Variants in ZNF184 observed in about 807,000 individuals in gnomAD.
ZNF184 encodes zinc finger protein 184 (Kruppel-like).
Under a neutral mutation model 54.4 loss-of-function variants are expected in ZNF184, and 16 were observed. That is an observed-to-expected ratio of 0.29 (90% CI 0.20 to 0.45). The LOEUF (loss-of-function observed/expected upper bound fraction) is 0.45. Among genes scored for constraint, ZNF184 ranks in the 20% least tolerant of loss-of-function variants. The pLI is 1.00. For synonymous variants in ZNF184, 254 were observed against 295.3 expected, an observed-to-expected ratio of 0.86 and a Z score of 1.43; for missense variants, 681 against 888.2, an observed-to-expected ratio of 0.77 and a Z score of 2.97.
intron 3 of ZNF184, among the ~76,000 whole-genome samples, chr6:27,459,555 T>A (rs1213200275): frequency 6.6e-6 from 1 of 152,188 alleles, no homozygotes; most frequent in Admixed American, 6.5e-5. Flanking sequence ...AGTGCTCATG[T>A]GTCCTATGGT....
In ZNF184 at chr6:27,452,666, C is replaced by A. The variant is rs868595798; in HGVS notation, c.893G>T (p.Arg298Ile). ...ATATGGTTTTTCTCCAGTATGAATT[C>A]TTTGATGTTGAGTAAGAGATGGACC... is the stretch of plus-strand genomic sequence containing the variant. The part of the protein sequence containing the change: ...IEGPSLTQHQ[R>I]IHTGEKPYKC... Residue 298 changes from arginine to isoleucine, a missense_variant, in exon 6 of 6, where the codon AGA (arginine) becomes ATA (isoleucine). Arg to Ile is a moderately conservative substitution (Grantham distance 97). Transcript: ENST00000683788. The surrounding 1 kb of genome is among the most constrained non-coding windows in gnomAD (Gnocchi z 5.5). 6.2e-7 allele frequency: 1 copy of A among 1,613,764 alleles called. No homozygotes were observed. Among genetic ancestry groups the A allele is most frequent in the East Asian group, 2.2e-5 (1 of 44,874 alleles).
In ZNF184 at chr6:27,452,092, A is replaced by C. The variant is rs1762742606; in HGVS notation, c.1467T>G (p.Leu489=). The C allele has an allele frequency of 6.2e-7, 1 of 1,613,908 alleles. No individual in the cohort carries two copies. The part of the protein sequence containing the change: ...CGKAFSYCSS[L]TQHRRIHTRE... ...TCGTGTGAATTCTCCGATGTTGAGT[A>C]AGGGATGAGCAGTAACTGAAGGCCT... The change falls in exon 6 of 6, where the codon CTT becomes CTG. Residue 489 remains leucine (L), a synonymous_variant. Coordinates refer to ENST00000683788, the MANE Select transcript of ZNF184 (RefSeq NM_001318891.2). The surrounding 1 kb of genome is among the most constrained non-coding windows in gnomAD (Gnocchi z 5.5).
chr6:27,421,835 G>C, the ZNF184 span, among the ~76,000 whole-genome samples: 1 of 152,196 alleles, frequency 6.6e-6, no homozygotes, highest in Admixed American at 6.5e-5. Flanking sequence ...TTGGAAGGCT[G>C]AGCGGGAAGT....
At chr6:27,450,609 G>C (rs756631788), downstream of ZNF184, 1 of 151,846 alleles carries the variant, frequency 6.6e-6, no homozygotes, top group Non-Finnish European at 1.5e-5. Context: ...CTAGTCTATT[G>C]TAATTTAACA....
intron 3 of ZNF184, among the ~76,000 whole-genome samples, chr6:27,467,239 T>A (rs1472555054): frequency 6.6e-6 from 1 of 152,194 alleles, no homozygotes; most frequent in Non-Finnish European, 1.5e-5. Context: ...TCCACATTAC[T>A]CATTTCACCT....
At chr6:27,423,646 A>AAC in the ZNF184 span, among the ~76,000 whole-genome samples, 12 of 151,568 alleles carry the variant, frequency 7.9e-5, no homozygotes, top group South Asian at 2.3e-3. Flanking sequence ...CAAAAAAACA[A>AAC]AAAACAAAAC....
At chr6:27,465,515 A>T (rs1462459699) in intron 3 of ZNF184, among the ~76,000 whole-genome samples, 1 of 149,992 alleles carries the variant, frequency 6.7e-6, no homozygotes, top group Non-Finnish European at 1.5e-5. Context: ...AAAAAGCAAA[A>T]CCCAACTACA....
At chr6:27,406,768 G>A in the ZNF184 span, 1 of 152,318 alleles carries the variant, frequency 6.6e-6, no homozygotes, top group Non-Finnish European at 1.5e-5. Flanking sequence ...CACCCTTGGG[G>A]CCCAACAGCT....
the ZNF184 span, among the ~76,000 whole-genome samples, chr6:27,437,919 T>A: frequency 3.9e-5 from 6 of 152,224 alleles, no homozygotes; most frequent in African/African-American, 1.4e-4. Context: ...GTCCATTTTA[T>A]TCCTAGGTAG....
At chr6:27,433,355 T>C in the ZNF184 span, among the ~76,000 whole-genome samples, 2 of 152,222 alleles carry the variant, frequency 1.3e-5, no homozygotes, top group Non-Finnish European at 2.9e-5. Context: ...TGGTAAAATA[T>C]ACATAACATA....
chr6:27,418,485 C>G, the ZNF184 span, among the ~76,000 whole-genome samples: 2 of 152,176 alleles, frequency 1.3e-5, no homozygotes, highest in African/African-American at 4.8e-5. Context: ...TTGTATTCGA[C>G]TTACAGTATG....
At chr6:27,427,116 T>TAAAAAAAA in the ZNF184 span, among the ~76,000 whole-genome samples, 3 of 106,874 alleles carry the variant, frequency 2.8e-5, no homozygotes, top group South Asian at 3.4e-4. Context: ...ACACTCTATG[T>TAAAAAAAA]AAAAAAAAAA....
At chr6:27,419,844 G>A in the ZNF184 span, among the ~76,000 whole-genome samples, 1 of 151,830 alleles carries the variant, frequency 6.6e-6, no homozygotes, top group South Asian at 2.1e-4. The surrounding 1 kb of genome is among the most constrained non-coding windows in gnomAD (Gnocchi z 4.8). Flanking sequence ...ACTTCCCCTC[G>A]TGCCCCTCCA....
At chr6:27,407,541 A>C in the ZNF184 span, among the ~76,000 whole-genome samples, 1 of 152,222 alleles carries the variant, frequency 6.6e-6, no homozygotes, top group Non-Finnish European at 1.5e-5. Flanking sequence ...CCCTATGCAC[A>C]GTGTCAGCAG....
Position 27,452,260 on chromosome 6 carries a change from G to A in ZNF184, c.1299C>T (p.Leu433=), listed in dbSNP as rs1446534028. The A allele has an allele frequency of 1.9e-6, 3 of 1,613,974 alleles. No individual in the cohort carries two copies. The highest frequency in any genetic ancestry group is 2.2e-5 in the South Asian group (2 of 91,052). Residue 433 remains leucine, a synonymous_variant, in exon 6 of 6, where the codon CTC becomes CTT. Coordinates refer to ENST00000683788, the MANE Select transcript of ZNF184 (RefSeq NM_001318891.2). This position sits in a 1 kb window ranked among gnomAD's most constrained non-coding sequence, Gnocchi z 5.5. ...CGKAFSQHSN[L]TQHQKTHTGE... ...CAGTATGAGTTTTTTGATGCTGAGTGAGGTTTGAGTGCTGGCTGAAGGCTT... is the reference window on the plus strand; with the variant it reads ...CAGTATGAGTTTTTTGATGCTGAGTAAGGTTTGAGTGCTGGCTGAAGGCTT...
chr6:27,407,898 GATGAGCTGATTAAC>G, the ZNF184 span: 1 of 931,376 alleles, frequency 1.1e-6, no homozygotes, highest in Non-Finnish European at 1.8e-6. Context: ...AATGAGTGAA[GATGAGCTGATTAAC>G]ATAAGAGATG....
At chr6:27,408,377 T>C in the ZNF184 span, among the ~76,000 whole-genome samples, 1 of 151,288 alleles carries the variant, frequency 6.6e-6, no homozygotes, top group Non-Finnish European at 1.5e-5. Context: ...CGTTTTTCAG[T>C]AACAGTGAAG....
the ZNF184 span, among the ~76,000 whole-genome samples, chr6:27,419,701 C>A: frequency 4.2e-5 from 4 of 95,724 alleles, no homozygotes; most frequent in Non-Finnish European, 7.4e-5. The surrounding 1 kb of genome is among the most constrained non-coding windows in gnomAD (Gnocchi z 4.8). Flanking sequence ...TGCTCCACAA[C>A]AATCTTACAG....
the ZNF184 span, among the ~76,000 whole-genome samples, chr6:27,440,380 A>G: frequency 1.3e-5 from 2 of 152,198 alleles, no homozygotes; most frequent in Admixed American, 6.5e-5. Context: ...CACTTATGGT[A>G]AGCGGTAGTC....
Sources: gnomAD v4.1 joint callset for allele counts (sites outside exome capture counted in the v4.1 genomes callset) on GRCh38, gnomAD v4.1.1 for gene constraint, Gnocchi (gnomAD v3.1) non-coding constraint, MANE v1.5 for transcripts, NCBI Gene and HGNC (gene_info 2026-07-23, HGNC 2026-07-21) for gene names.